Variants in JAKMIP3 observed in about 807,000 individuals in gnomAD.
JAKMIP3 encodes the protein janus kinase and microtubule-interacting protein 3.
Under a neutral mutation model 118.5 loss-of-function variants are expected in JAKMIP3, and 58 were observed. That is an observed-to-expected ratio of 0.49 (90% CI 0.40 to 0.61). JAKMIP3 has a LOEUF of 0.61. JAKMIP3 is among the 20% of genes least tolerant of loss of function. The probability of loss-of-function intolerance (pLI) is 0.00; values close to 1 mark genes in which losing one functional copy is unlikely to be tolerated. For synonymous variants in JAKMIP3, 486 were observed against 451.2 expected, an observed-to-expected ratio of 1.08 and a Z score of -0.98; for missense variants, 950 against 1,109.0, an observed-to-expected ratio of 0.86 and a Z score of 2.04.
In JAKMIP3 at chr10:132,179,883, C is replaced by G. The variant is rs1020567653; in HGVS notation, c.*1104-2474C>G. 2.6e-5 allele frequency among the ~76,000 whole-genome samples: 4 copies of G among 152,162 alleles called. No individual in the cohort carries two copies. In the South Asian group the frequency reaches 8.3e-4, roughly 31 times the overall value. ...CCTGGAGAGGCCTGTGAGCAGACTT[C>G]CTGTGCTCTCTCCCCTCCCATGCTC... On this transcript the variant is annotated intron_variant, in intron 23 of 23. Transcript: ENST00000684848. This position sits in a 1 kb window ranked among gnomAD's most constrained non-coding sequence, Gnocchi z 4.3.
chr10:132,177,736 T>C (rs1252669583), intron 23 of JAKMIP3, among the ~76,000 whole-genome samples: 8 of 149,146 alleles, frequency 5.4e-5, no homozygotes, highest in Non-Finnish European at 1.0e-4. Flanking sequence ...TGTGTGTGTG[T>C]GCACACTGCA....
chr10:132,039,853 C>T (rs1489741521), intron 1 of JAKMIP3, among the ~76,000 whole-genome samples: 2 of 152,278 alleles, frequency 1.3e-5, no homozygotes, highest in African/African-American at 4.8e-5. Context: ...GCTGGGGCGC[C>T]TCTGCAAGTC....
At chr10:132,048,872 C>T (rs2038015237) in intron 1 of JAKMIP3, among the ~76,000 whole-genome samples, 1 of 152,096 alleles carries the variant, frequency 6.6e-6, no homozygotes, top group South Asian at 2.1e-4. Flanking sequence ...GATCTCCTGA[C>T]CTCGTGATCC....
intron 14 of JAKMIP3, 40 bp downstream of exon 14, chr10:132,148,090 G>T (rs2055005048): frequency 3.8e-6 from 5 of 1,320,802 alleles, no homozygotes; most frequent in Non-Finnish European, 5.4e-6. Flanking sequence ...CTGTGGCTGT[G>T]TCAGGGATCT....
At chr10:132,082,849 T>C (rs991018479) in intron 1 of JAKMIP3, among the ~76,000 whole-genome samples, 1 of 152,240 alleles carries the variant, frequency 6.6e-6, no homozygotes, top group Non-Finnish European at 1.5e-5. Flanking sequence ...GACCTCGTGA[T>C]CCGCCCGCCT....
At chr10:132,062,050 C>T (rs1297217617), upstream of JAKMIP3, among the ~76,000 whole-genome samples, 1 of 152,026 alleles carries the variant, frequency 6.6e-6, no homozygotes, top group Non-Finnish European at 1.5e-5. Context: ...AAAGGGGGGC[C>T]GGGTGAGCCC....
chr10:132,041,598 C>T (rs1362913355), intron 1 of JAKMIP3, among the ~76,000 whole-genome samples: 1 of 152,262 alleles, frequency 6.6e-6, no homozygotes, highest in East Asian at 1.9e-4. Context: ...AAGGCCGACA[C>T]CCCCACTCCT....
Position 132,104,949 on chromosome 10 carries a change from C to A in JAKMIP3, c.135+6C>A. The A allele has an allele frequency of 3.2e-6, 5 of 1,585,594 alleles. No homozygotes were observed. Among genetic ancestry groups the A allele is most frequent in the South Asian group, 1.2e-5 (1 of 86,478 alleles). ...TGCAGCAGGAGAAGAGCAAGGTGGG[C>A]GCTCCCCAGACCTCCACCCTTGAAT... On this transcript the variant is annotated splice_donor_region_variant and intron_variant, in intron 2 of 23. Coordinates refer to ENST00000684848, the MANE Select transcript of JAKMIP3 (RefSeq NM_001323087.2).
chr10:132,154,680 C>A (rs565814030), intron 19 of JAKMIP3, among the ~76,000 whole-genome samples: 20 of 152,190 alleles, frequency 1.3e-4, no homozygotes, highest in Non-Finnish European at 2.4e-4. Flanking sequence ...TGTGAGGAGA[C>A]CTGCTTGGCT....
chr10:132,064,499 C>T (rs957688467), upstream of JAKMIP3, among the ~76,000 whole-genome samples: 9 of 150,536 alleles, frequency 6.0e-5, no homozygotes, highest in East Asian at 2.1e-4. This position sits in a 1 kb window ranked among gnomAD's most constrained non-coding sequence, Gnocchi z 4.4. Flanking sequence ...TCTGGATCTC[C>T]GACCCACCGT....
intron 1 of JAKMIP3, among the ~76,000 whole-genome samples, chr10:132,047,837 G>A (rs1247123018): frequency 8.6e-6 from 1 of 116,054 alleles, no homozygotes; most frequent in Non-Finnish European, 1.9e-5. Context: ...ACCCCGCCAC[G>A]AGCTTTCAGT....
chr10:132,109,523 C>T (rs1409346399), intron 2 of JAKMIP3, among the ~76,000 whole-genome samples: 1 of 152,186 alleles, frequency 6.6e-6, no homozygotes, highest in Non-Finnish European at 1.5e-5. Context: ...CGGGCGTCTT[C>T]TGTCCTGAGA....
At position 132,118,561 on chromosome 10, in the gene JAKMIP3, G is replaced by GC. The variant is rs2048079084; in HGVS notation, c.633+989dup. Among the ~76,000 whole-genome samples, 1 of 152,208 alleles carries GC rather than the reference G, an allele frequency of 6.6e-6. No individual in the cohort carries two copies. ...TCTCCAGGGATGGCCTCCAGGCTGG[G>GC]CCAGCATGTGGAACTCCCAGAGAGG... On this transcript the variant is annotated intron_variant, in intron 3 of 23. Transcript: ENST00000684848. The surrounding 1 kb of genome is among the most constrained non-coding windows in gnomAD (Gnocchi z 4.8).
At chr10:132,058,722 A>T (rs2038312766) in intron 1 of JAKMIP3, among the ~76,000 whole-genome samples, 1 of 152,232 alleles carries the variant, frequency 6.6e-6, no homozygotes, top group Non-Finnish European at 1.5e-5. Context: ...GGAAAATCAC[A>T]GGTTGTCTTG....
At chr10:132,127,993 C>G (rs2049947687) in intron 3 of JAKMIP3, among the ~76,000 whole-genome samples, 2 of 152,124 alleles carry the variant, frequency 1.3e-5, no homozygotes, top group African/African-American at 4.8e-5. Context: ...TTTGCTGTTC[C>G]CATAAGCAGC....
chr10:132,100,989 T>C (rs10781557), intron 1 of JAKMIP3, among the ~76,000 whole-genome samples: 54,983 of 151,890 alleles, frequency 0.36, 10,138 homozygotes, highest in East Asian at 0.52. Flanking sequence ...ATAAACTCAA[T>C]ATAGTTACCG....
At chr10:132,134,917 G>A (rs2051426060) in intron 4 of JAKMIP3, 124 bp from the exon 5 acceptor site, 2 of 1,232,494 alleles carry the variant, frequency 1.6e-6, no homozygotes, top group East Asian at 5.1e-5. Context: ...CTTCCCGGCA[G>A]CCGCGTGGAG....
Position 132,097,973 on chromosome 10 carries a change from TTCTCCCCTTCC to T in JAKMIP3, c.-137-6698_-137-6688del, listed in dbSNP as rs1564893186. On this transcript the variant is annotated intron_variant, in intron 1 of 23. Transcript: ENST00000684848. ...CCATCCCCTTTCCCTTTCCTTCCTT[TTCTCCCCTTCC>T]CCTTCCCCTTCCCCTTCCCCTCCTT... Among the ~76,000 whole-genome samples the T allele has an allele frequency of 4.9e-4, 10 of 20,448 alleles. 1 individual carries two copies. The highest frequency in any genetic ancestry group is 6.5e-4 in the African/African-American group (5 of 7,638). The allele number at this position is 20,448 out of a possible 152,430, so 13.4% of individuals were successfully genotyped here.
intron 1 of JAKMIP3, among the ~76,000 whole-genome samples, chr10:132,089,057 A>T (rs1311208184): frequency 1.3e-5 from 2 of 152,088 alleles, no homozygotes; most frequent in East Asian, 1.9e-4. Flanking sequence ...GTTCTGTTCC[A>T]TTGGTCTATA....
Sources: gnomAD v4.1 joint callset for allele counts (sites outside exome capture counted in the v4.1 genomes callset) on GRCh38, gnomAD v4.1.1 for gene constraint, Gnocchi (gnomAD v3.1) non-coding constraint, MANE v1.5 for transcripts, NCBI Gene and HGNC (gene_info 2026-07-23, HGNC 2026-07-21) for gene names.